EXT1: variants seen among roughly 807,000 people sequenced by gnomAD.
EXT1 encodes exostosin-1.
A neutral mutation model predicts 82.5 loss-of-function variants in EXT1; 20 were observed. The ratio of observed to expected loss-of-function variants is 0.24; its 90% confidence interval spans 0.17 to 0.35. EXT1 has a LOEUF of 0.35. Ranked by LOEUF, EXT1 falls within the 10% of genes least tolerant of loss-of-function variation. The pLI is 1.00. For missense variants in EXT1, 757 were observed against 936.5 expected (o/e 0.81, Z 2.50); for synonymous variants, 348 against 350.8 (o/e 0.99, Z 0.09).
intron 7 of EXT1, among the ~76,000 whole-genome samples, chr8:117,814,575 G>C (rs1023015509): frequency 1.3e-5 from 2 of 152,056 alleles, no homozygotes; most frequent in Admixed American, 6.6e-5. Flanking sequence ...TGACTCTATA[G>C]AGCACCTTGG....
At chr8:117,964,107 A>G (rs1211315928) in intron 1 of EXT1, among the ~76,000 whole-genome samples, 1 of 152,182 alleles carries the variant, frequency 6.6e-6, no homozygotes, top group Non-Finnish European at 1.5e-5. Context: ...AGTGCTTTGT[A>G]TCATTTGTTT....
chr8:117,946,256 G>A (rs909104951), intron 1 of EXT1, among the ~76,000 whole-genome samples: 1 of 152,134 alleles, frequency 6.6e-6, no homozygotes, highest in African/African-American at 2.4e-5. Flanking sequence ...TATGACTGGG[G>A]TCTAGAGGGT....
At chr8:117,990,966 T>C (rs1815419851) in intron 1 of EXT1, among the ~76,000 whole-genome samples, 3 of 152,184 alleles carry the variant, frequency 2.0e-5, no homozygotes, top group South Asian at 2.1e-4. Flanking sequence ...CTCTTTCTAA[T>C]CTTCGTACCA....
At chr8:117,817,759 T>C (rs2129734831) in intron 7 of EXT1, among the ~76,000 whole-genome samples, 1 of 152,148 alleles carries the variant, frequency 6.6e-6, no homozygotes, top group South Asian at 2.1e-4. Flanking sequence ...GGGAAAGCAA[T>C]GAGAGAAAAG....
intron 1 of EXT1, among the ~76,000 whole-genome samples, chr8:117,982,430 T>A (rs143932985): frequency 1.3e-5 from 2 of 152,296 alleles, no homozygotes; most frequent in East Asian, 3.9e-4. Context: ...CTCACCAGAT[T>A]ATGGTAGTTC....
At chr8:117,868,034 C>A (rs1217209431) in intron 1 of EXT1, among the ~76,000 whole-genome samples, 1 of 152,208 alleles carries the variant, frequency 6.6e-6, no homozygotes, top group Non-Finnish European at 1.5e-5. Flanking sequence ...TTGTTCCAGA[C>A]ACAAAGTCCT....
At position 117,868,042 on chromosome 8, in the gene EXT1, C is replaced by G. The variant is rs77590365; in HGVS notation, c.963-30841G>C. On this transcript the variant is annotated intron_variant, in intron 1 of 10. Coordinates refer to ENST00000378204, the MANE Select transcript of EXT1 (RefSeq NM_000127.3). ...ATTTCCCTTGTTCCAGACACAAAGT[C>G]CTTAACTTTATATTCCAGGCTCAGG... Among the ~76,000 whole-genome samples, 12 of 152,294 alleles carry G rather than the reference C, an allele frequency of 7.9e-5. No homozygotes were observed. In the East Asian group the frequency reaches 2.3e-3, roughly 29 times the overall value.
At chr8:117,877,780 A>C (rs182869749) in intron 1 of EXT1, among the ~76,000 whole-genome samples, 1 of 152,314 alleles carries the variant, frequency 6.6e-6, no homozygotes, top group South Asian at 2.1e-4. Context: ...ACAATTCAAA[A>C]GTCAAGCAGA....
chr8:117,970,275 T>G (rs1245410237), intron 1 of EXT1, among the ~76,000 whole-genome samples: 2 of 152,066 alleles, frequency 1.3e-5, no homozygotes, highest in Non-Finnish European at 2.9e-5. Flanking sequence ...TCTGACCTAA[T>G]TGGTTTGAGG....
chr8:118,006,530 C>G (rs1393074699), intron 1 of EXT1, among the ~76,000 whole-genome samples: 2 of 152,040 alleles, frequency 1.3e-5, no homozygotes, highest in South Asian at 2.1e-4. Flanking sequence ...TCTAGGAATG[C>G]CTTGAAGGTC....
intron 1 of EXT1, among the ~76,000 whole-genome samples, chr8:117,862,741 TG>T (rs1812706802): frequency 6.9e-6 from 1 of 145,038 alleles, no homozygotes; most frequent in African/African-American, 2.4e-5. Flanking sequence ...ACTAAACAGG[TG>T]GGCGTGAGAA....
intron 1 of EXT1, among the ~76,000 whole-genome samples, chr8:118,087,757 A>G (rs1817449675): frequency 6.6e-6 from 1 of 152,232 alleles, no homozygotes; most frequent in Non-Finnish European, 1.5e-5. Flanking sequence ...GTTGTTACAT[A>G]TTAATGTACA....
At chr8:117,927,822 G>A (rs1194863167) in intron 1 of EXT1, among the ~76,000 whole-genome samples, 1 of 152,154 alleles carries the variant, frequency 6.6e-6, no homozygotes, top group Non-Finnish European at 1.5e-5. Context: ...TTGAAATCCT[G>A]AACAATTTTT....
In EXT1 at chr8:117,797,334, G is replaced by C. The variant is rs1448472173; in HGVS notation, c.*2378C>G. On this transcript the variant is annotated 3_prime_UTR_variant, in exon 11 of 11. Transcript: ENST00000378204. Reference sequence around the variant, plus strand: ...TGGAGATTTAAAGTGGATGAAAGGTGTGTTATATCCTGTTCTTATTTATAA... The same window carrying C: ...TGGAGATTTAAAGTGGATGAAAGGTCTGTTATATCCTGTTCTTATTTATAA... 1 of 152,238 alleles carries C rather than the reference G, an allele frequency of 6.6e-6. No individual in the cohort carries two copies. The highest frequency in any genetic ancestry group is 1.9e-4 in the East Asian group (1 of 5,196). 9.4% of individuals were successfully genotyped at this position (152,238 alleles called of 1,614,324 possible).
chr8:117,822,712 C>T (rs988261635), intron 4 of EXT1, 115 bp from the exon 5 acceptor site: 1 of 1,136,640 alleles, frequency 8.8e-7, no homozygotes, highest in Non-Finnish European at 1.3e-6. Context: ...CTCTACCCTC[C>T]CTCCCACTTT....
In EXT1 at chr8:117,819,758, T is replaced by A; in HGVS notation, c.1454A>T (p.His485Leu). 6.2e-7 allele frequency: 1 copy of A among 1,613,484 alleles called. No homozygotes were observed. The highest frequency in any genetic ancestry group is 1.1e-5 in the South Asian group (1 of 91,044). ...KPPSKFTAVI[H>L]AVTPLVSQSQ... ...CTGAGAGACCAGGGGGGTCACCGCA[T>A]GGATGACTGCAGTGAATTTGGAGGG... The change falls in exon 6 of 11, where the codon CAT becomes CTT. Residue 485 changes from histidine to leucine, a missense_variant. Coordinates refer to ENST00000378204, the MANE Select transcript of EXT1 (RefSeq NM_000127.3).
At chr8:118,081,219 T>C (rs552608439) in intron 1 of EXT1, among the ~76,000 whole-genome samples, 1 of 152,318 alleles carries the variant, frequency 6.6e-6, no homozygotes, top group South Asian at 2.1e-4. Context: ...TCCCCAAGCC[T>C]TGAAGTTCTC....
At chr8:118,023,847 A>C (rs1397236558) in intron 1 of EXT1, among the ~76,000 whole-genome samples, 5 of 152,274 alleles carry the variant, frequency 3.3e-5, no homozygotes, top group Non-Finnish European at 5.9e-5. Context: ...ATTAACGATA[A>C]TGCCAGTTCC....
intron 1 of EXT1, among the ~76,000 whole-genome samples, chr8:117,936,989 T>C (rs972341069): frequency 6.6e-6 from 1 of 152,236 alleles, no homozygotes; most frequent in African/African-American, 2.4e-5. Flanking sequence ...ACACAGCACC[T>C]GCCACACAGG....
Sources: gnomAD v4.1 joint callset for allele counts (sites outside exome capture counted in the v4.1 genomes callset) on GRCh38, gnomAD v4.1.1 for gene constraint, MANE v1.5 for transcripts, NCBI Gene and HGNC (gene_info 2026-07-23, HGNC 2026-07-21) for gene names.